The following ARFGEF1 variants were observed in gnomAD, a reference collection of about 807,000 sequenced individuals.
The protein encoded by ARFGEF1 is ARF guanine nucleotide exchange factor 1, also known as brefeldin A-inhibited guanine nucleotide-exchange protein 1.
Under a neutral mutation model 231.0 loss-of-function variants are expected in ARFGEF1, and 42 were observed. The observed-to-expected ratio is 0.18, with a 90% CI of 0.14 to 0.24. The LOEUF (loss-of-function observed/expected upper bound fraction) is 0.24. Ranked by LOEUF, ARFGEF1 falls within the 10% of genes least tolerant of loss-of-function variation. The pLI is 1.00. For synonymous variants in ARFGEF1, 710 were observed against 732.3 expected, an observed-to-expected ratio of 0.97 and a Z score of 0.49; for missense variants, 1,345 against 2,192.0, an observed-to-expected ratio of 0.61 and a Z score of 7.72.
At chr8:67,316,259 A>G (rs1807310802) in intron 1 of ARFGEF1, among the ~76,000 whole-genome samples, 1 of 152,208 alleles carries the variant, frequency 6.6e-6, no homozygotes, top group Admixed American at 6.5e-5. Context: ...TATAACTATT[A>G]AAGACATTGA....
At chr8:67,325,125 C>T (rs1807775001) in intron 1 of ARFGEF1, among the ~76,000 whole-genome samples, 1 of 151,952 alleles carries the variant, frequency 6.6e-6, no homozygotes, top group African/African-American at 2.4e-5. Context: ...GATGGTCAGG[C>T]TGGTCTTGAA....
At chr8:67,223,092 T>C (rs996244127) in intron 29 of ARFGEF1, among the ~76,000 whole-genome samples, 7 of 152,246 alleles carry the variant, frequency 4.6e-5, no homozygotes, top group African/African-American at 1.7e-4. Flanking sequence ...TGCCTGACTA[T>C]ATTTGGGACT....
intron 36 of ARFGEF1, 152 bp downstream of exon 36, chr8:67,202,931 C>T (rs1461670550): frequency 2.8e-6 from 2 of 723,964 alleles, no homozygotes; most frequent in African/African-American, 1.8e-5. Flanking sequence ...AAAAGGGCCT[C>T]GTTGTGAGGT....
At chr8:67,220,702 T>G (rs990149227) in intron 29 of ARFGEF1, among the ~76,000 whole-genome samples, 11 of 152,150 alleles carry the variant, frequency 7.2e-5, no homozygotes, top group African/African-American at 2.7e-4. Context: ...CTCCTTGCAA[T>G]GGAACAAGGC....
intron 7 of ARFGEF1, among the ~76,000 whole-genome samples, chr8:67,286,237 T>C (rs1805752713): frequency 6.6e-6 from 1 of 152,250 alleles, no homozygotes; most frequent in Admixed American, 6.5e-5. Context: ...TATTTAAAGA[T>C]ACATAAAGTA....
chr8:67,226,110 A>T lies in ARFGEF1; in HGVS notation c.3990T>A (p.Phe1330Leu), dbSNP rs1839363209. Residue 1330 changes from phenylalanine to leucine, a missense_variant, in exon 28 of 39, where the codon TTT becomes TTA. Physicochemically the swap from Phe to Leu is conservative, Grantham distance 22. Coordinates refer to ENST00000262215, the MANE Select transcript of ARFGEF1 (RefSeq NM_006421.5). ...FQDAVKCLSEFACNAAFPDTS... is the reference protein window; with the variant it reads ...FQDAVKCLSELACNAAFPDTS... ...TGTCTGGGAAAGCTGCATTGCACGC[A>T]AATTCAGACAAACACTTCACTGCAT... 6.2e-7 allele frequency: 1 copy of T among 1,613,204 alleles called. No individual in the cohort carries two copies. The highest frequency in any genetic ancestry group is 8.5e-7 in the Non-Finnish European group (1 of 1,179,556).
intron 1 of ARFGEF1, among the ~76,000 whole-genome samples, chr8:67,328,400 T>G (rs891720250): frequency 6.6e-6 from 1 of 152,234 alleles, no homozygotes; most frequent in African/African-American, 2.4e-5. Context: ...ATCGAGTATT[T>G]TTCTTCCTAG....
intron 36 of ARFGEF1, 145 bp from the exon 37 acceptor site, chr8:67,201,750 G>T: frequency 9.3e-7 from 1 of 1,073,036 alleles, no homozygotes; most frequent in Non-Finnish European, 1.4e-6. Context: ...CTGATGTGAA[G>T]GTGATTTCCA....
chr8:67,264,937 C>T (rs755508456), intron 14 of ARFGEF1, among the ~76,000 whole-genome samples: 3 of 152,180 alleles, frequency 2.0e-5, no homozygotes, highest in Non-Finnish European at 2.9e-5. Flanking sequence ...CTTCATGGTG[C>T]TTGGCAATAG....
intron 19 of ARFGEF1, among the ~76,000 whole-genome samples, chr8:67,247,608 TACTGAAAAGGGAAAA>T (rs971031039): frequency 1.3e-5 from 2 of 150,440 alleles, no homozygotes; most frequent in Non-Finnish European, 3.0e-5. Context: ...GCTAGTATTG[TACTGAAAAGGGAAAA>T]ACAGAAAGCC....
rs149283131 is a variant in ARFGEF1 at position 67,189,031 on chromosome 8, C to T, written c.560+11365G>A. Among the ~76,000 whole-genome samples the T allele has an allele frequency of 8.1e-3, 1,233 of 152,248 alleles. 12 individuals carry two copies. The highest frequency in any genetic ancestry group is 0.028 in the African/African-American group (1,172 of 41,534). ...CTTGGGAGTTCTAAGAACAAGGACC[C>T]GCCTGGTAACACATTAAAGAATGTA... On this transcript the variant is annotated intron_variant, in intron 5 of 5. Coordinates refer to the ARFGEF1 transcript ENST00000518789.
intron 7 of ARFGEF1, among the ~76,000 whole-genome samples, chr8:67,286,697 T>C (rs1805774878): frequency 1.3e-5 from 2 of 152,146 alleles, no homozygotes; most frequent in African/African-American, 4.8e-5. Flanking sequence ...ATTTTTTATT[T>C]TTTTAATATA....
At chr8:67,284,864 G>A (rs1167702616) in intron 7 of ARFGEF1, among the ~76,000 whole-genome samples, 1 of 152,130 alleles carries the variant, frequency 6.6e-6, no homozygotes, top group Admixed American at 6.6e-5. Context: ...ACTCTTCGGA[G>A]AACTAGCTGA....
chr8:67,238,788 G>A lies in ARFGEF1; in HGVS notation c.3085C>T (p.Leu1029Phe). 6.2e-7 allele frequency: 1 copy of A among 1,613,824 alleles called. No individual in the cohort carries two copies. Among genetic ancestry groups the A allele is most frequent in the Non-Finnish European group, 8.5e-7 (1 of 1,179,840 alleles). ...CCATCTGTATGAGCCACTGTGATAA[G>A]TGTTTTTATTGTGTCAATGTTCTTC... ...KQKNIDTIKT[L>F]ITVAHTDGNY... is the part of the protein sequence containing the mutation. The change falls in exon 21 of 39, where the codon CTT becomes TTT. Residue 1029 changes from leucine to phenylalanine, a missense_variant. Physicochemically the swap from Leu to Phe is conservative, Grantham distance 22. Coordinates refer to ENST00000262215, the MANE Select transcript of ARFGEF1 (RefSeq NM_006421.5).
chr8:67,205,861 AAAAT>A (rs202104244), intron 34 of ARFGEF1, among the ~76,000 whole-genome samples: 8,975 of 150,168 alleles, frequency 0.06, 460 homozygotes, highest in African/African-American at 0.14. Flanking sequence ...CCGTCTCAAA[AAAAT>A]AAATAAATAA....
intron 5 of ARFGEF1, among the ~76,000 whole-genome samples, chr8:67,295,326 G>C (rs1806185106): frequency 6.6e-6 from 1 of 152,054 alleles, no homozygotes; most frequent in Non-Finnish European, 1.5e-5. Flanking sequence ...AATTGCAAAA[G>C]AAAAACTACT....
intron 1 of ARFGEF1, among the ~76,000 whole-genome samples, chr8:67,312,588 CA>C (rs2128922942): frequency 6.6e-6 from 1 of 152,242 alleles, no homozygotes; most frequent in Admixed American, 6.5e-5. Flanking sequence ...TAAAGTTCTT[CA>C]AACACAAAGG....
chr8:67,232,780 T>G (rs185056276), intron 23 of ARFGEF1, 75 bp downstream of exon 23: 20 of 1,119,704 alleles, frequency 1.8e-5, no homozygotes. Context: ...ATAATATTTT[T>G]CTTTTTACCA....
chr8:67,225,950 T>C lies in ARFGEF1; in HGVS notation c.4077+73A>G. ...AAATAAATGCTTCATATACCCTCAA[T>C]TCCCAAACAAACTTAAGATTTCAAA... On this transcript the variant is annotated intron_variant, in intron 28 of 38. Coordinates refer to ENST00000262215, the MANE Select transcript of ARFGEF1 (RefSeq NM_006421.5). 3.5e-6 allele frequency: 5 copies of C among 1,421,838 alleles called. No individual in the cohort carries two copies. In the South Asian group the frequency reaches 4.6e-5, roughly 13 times the overall value. The allele number at this position is 1,421,838 out of a possible 1,614,324, so 88.1% of individuals were successfully genotyped here.
Sources: gnomAD v4.1 joint callset for allele counts (sites outside exome capture counted in the v4.1 genomes callset) on GRCh38, gnomAD v4.1.1 for gene constraint, MANE v1.5 for transcripts, NCBI Gene and HGNC (gene_info 2026-07-23, HGNC 2026-07-21) for gene names.